GLIS1: variants seen among roughly 807,000 people sequenced by gnomAD.
GLIS1 encodes the protein GLIS family zinc finger 1, also known as zinc finger protein GLIS1.
In GLIS1, 24 loss-of-function variants were observed where a neutral mutation model predicts 63.8. The ratio of observed to expected loss-of-function variants is 0.38; its 90% confidence interval spans 0.27 to 0.53. The LOEUF (loss-of-function observed/expected upper bound fraction) is 0.53. Ranked by LOEUF, GLIS1 falls within the 20% of genes least tolerant of loss-of-function variation. The pLI, the probability that GLIS1 is intolerant of heterozygous loss-of-function variation, is 0.85. For synonymous variants in GLIS1, 450 were observed against 482.5 expected (o/e 0.93, Z 0.88); for missense variants, 1,036 against 1,074.1 (o/e 0.96, Z 0.50).
intron 4 of GLIS1, among the ~76,000 whole-genome samples, chr1:53,545,816 C>T (rs1158845656): frequency 6.6e-6 from 1 of 152,246 alleles, no homozygotes; most frequent in Non-Finnish European, 1.5e-5. Flanking sequence ...TTGCCTAGTG[C>T]TACGTGTGCC....
chr1:53,565,427 C>CA (rs898058252), intron 4 of GLIS1, among the ~76,000 whole-genome samples: 2 of 151,556 alleles, frequency 1.3e-5, no homozygotes, highest in Admixed American at 1.3e-4. Context: ...AAAATAGAAC[C>CA]AAAAAGACAG....
chr1:53,715,135 C>T (rs945807418), intron 2 of GLIS1, among the ~76,000 whole-genome samples: 14 of 152,126 alleles, frequency 9.2e-5, no homozygotes, highest in Non-Finnish European at 1.9e-4. Flanking sequence ...GGGCTGGTCT[C>T]GAACTCCTGG....
intron 2 of GLIS1, among the ~76,000 whole-genome samples, chr1:53,691,402 C>G (rs372869905): frequency 4.6e-5 from 7 of 152,310 alleles, no homozygotes; most frequent in African/African-American, 1.4e-4. Flanking sequence ...TCCTCAAAGT[C>G]TGGCCTTTTG....
intron 7 of GLIS1, among the ~76,000 whole-genome samples, chr1:53,515,247 G>A (rs1644340562): frequency 6.6e-6 from 1 of 152,144 alleles, no homozygotes; most frequent in Non-Finnish European, 1.5e-5. Context: ...AAGCTTGAGA[G>A]TAGACAGCAG....
intron 4 of GLIS1, among the ~76,000 whole-genome samples, chr1:53,532,808 C>G (rs1040774954): frequency 6.6e-6 from 1 of 152,244 alleles, no homozygotes; most frequent in Non-Finnish European, 1.5e-5. Flanking sequence ...ATCTTCTCCC[C>G]GAGGTCTGTG....
intron 2 of GLIS1, among the ~76,000 whole-genome samples, chr1:53,643,077 A>C (rs1645804513): frequency 6.6e-6 from 1 of 152,208 alleles, no homozygotes; most frequent in Admixed American, 6.5e-5. Context: ...CGGACTAACA[A>C]GACCCAGTTC....
intron 2 of GLIS1, among the ~76,000 whole-genome samples, chr1:53,665,053 G>A (rs189322054): frequency 3.9e-5 from 6 of 152,248 alleles, no homozygotes; most frequent in South Asian, 2.1e-4. Flanking sequence ...TTGTGAGATC[G>A]CAGCCACTGG....
intron 2 of GLIS1, among the ~76,000 whole-genome samples, chr1:53,723,939 G>A (rs752491995): frequency 6.6e-6 from 1 of 152,160 alleles, no homozygotes. Context: ...ATTTCCAGGG[G>A]TGAGCTGGCT....
chr1:53,522,078 C>T (rs546001030), intron 6 of GLIS1, among the ~76,000 whole-genome samples: 1 of 152,368 alleles, frequency 6.6e-6, no homozygotes, highest in Admixed American at 6.5e-5. Flanking sequence ...GGCTCCCTGA[C>T]CCAGCAGCTG....
intron 2 of GLIS1, among the ~76,000 whole-genome samples, chr1:53,648,841 G>T (rs369205804): frequency 7.9e-4 from 121 of 152,338 alleles, no homozygotes; most frequent in South Asian, 7.7e-3. Flanking sequence ...AGGCAGGGAG[G>T]AGAGATGGGG....
At chr1:53,590,650 G>C (rs1216237481) in intron 4 of GLIS1, among the ~76,000 whole-genome samples, 1 of 152,182 alleles carries the variant, frequency 6.6e-6, no homozygotes, top group Non-Finnish European at 1.5e-5. Flanking sequence ...GGTTGGACGG[G>C]TAACCTTGTT....
At chr1:53,629,815 C>T (rs768942158) in intron 2 of GLIS1, among the ~76,000 whole-genome samples, 1 of 152,218 alleles carries the variant, frequency 6.6e-6, no homozygotes, top group Non-Finnish European at 1.5e-5. Flanking sequence ...ACAAGCTCCA[C>T]AAGCCCAGAG....
intron 4 of GLIS1, among the ~76,000 whole-genome samples, chr1:53,569,495 C>T (rs969878968): frequency 4.6e-5 from 7 of 151,674 alleles, no homozygotes; most frequent in Non-Finnish European, 8.8e-5. Flanking sequence ...TTAAAAAAGC[C>T]TTTAATCTGA....
Position 53,509,279 on chromosome 1 carries a change from C to T in GLIS1, c.2071G>A (p.Gly691Ser). 4 of 1,573,678 alleles carry T rather than the reference C, an allele frequency of 2.5e-6. No homozygotes were observed. The highest frequency in any genetic ancestry group is 1.8e-5 in the Admixed American group (1 of 56,424). Residue 691 changes from glycine (G) to serine (S), a missense_variant, in exon 10 of 11, where the codon GGC becomes AGC. Around this residue, in one of 3 missense-constraint regions of GLIS1, gnomAD observed 400 missense variants for 400.9 expected, o/e 1.00. Coordinates refer to ENST00000628545, the MANE Select transcript of GLIS1 (RefSeq NM_001367484.1). ...CAACTCTGGATGGAGTGGAAACTGCCCTGGTAACCTGCAGACGGGGGTAGC... is the reference window on the plus strand; with the variant it reads ...CAACTCTGGATGGAGTGGAAACTGCTCTGGTAACCTGCAGACGGGGGTAGC... ...PPLPSPQGYQ[G>S]SFHSIQSCFP...
intron 2 of GLIS1, among the ~76,000 whole-genome samples, chr1:53,627,072 C>T (rs932429166): frequency 1.3e-5 from 2 of 152,232 alleles, no homozygotes; most frequent in African/African-American, 2.4e-5. Context: ...GCCCTCGTTC[C>T]GGGTCCCACA....
intron 2 of GLIS1, among the ~76,000 whole-genome samples, chr1:53,630,662 AT>A (rs1289304974): frequency 1.3e-5 from 2 of 151,954 alleles, no homozygotes; most frequent in Non-Finnish European, 2.9e-5. Context: ...TGGCTCGCTA[AT>A]TTTTTGTATT....
intron 2 of GLIS1, among the ~76,000 whole-genome samples, chr1:53,642,649 T>C (rs1377732944): frequency 2.0e-5 from 3 of 152,348 alleles, no homozygotes; most frequent in Admixed American, 2.0e-4. Flanking sequence ...CTGTAGGACT[T>C]GCCTTCCAGC....
At chr1:53,660,836 G>A (rs1046267603) in intron 2 of GLIS1, among the ~76,000 whole-genome samples, 23 of 152,194 alleles carry the variant, frequency 1.5e-4, no homozygotes, top group Non-Finnish European at 1.0e-4. Flanking sequence ...AAAGAGAGCA[G>A]GGAGTCACTG....
rs1219141044 is a variant in GLIS1 at position 53,574,717 on chromosome 1, A to G, written c.1320+19391T>C. The stretch of plus-strand genomic sequence containing the variant: ...CAGCCCCACCTGGGCCTTGTGTCTA[A>G]GCCACATTTGTCATTCCAGCTGTAC... On this transcript the variant is annotated intron_variant, in intron 4 of 10. Coordinates refer to ENST00000628545, the MANE Select transcript of GLIS1 (RefSeq NM_001367484.1). The surrounding 1 kb of genome is among the most constrained non-coding windows in gnomAD (Gnocchi z 4.2). 1.3e-5 allele frequency among the ~76,000 whole-genome samples: 2 copies of G among 152,214 alleles called. No individual in the cohort carries two copies. Among genetic ancestry groups the G allele is most frequent in the Non-Finnish European group, 2.9e-5 (2 of 68,042 alleles).
Sources: allele counts gnomAD v4.1 joint callset (sites outside exome capture counted in the v4.1 genomes callset), GRCh38; gene constraint gnomAD v4.1.1; regional missense constraint gnomAD v4.1.1; non-coding constraint Gnocchi (gnomAD v3.1); transcripts MANE v1.5; gene names NCBI Gene and HGNC (gene_info 2026-07-23, HGNC 2026-07-21).